BLM: variants seen among roughly 807,000 people sequenced by gnomAD.
BLM encodes recQ-like DNA helicase BLM.
Under a neutral mutation model 135.3 loss-of-function variants are expected in BLM, and 95 were observed. The observed-to-expected ratio is 0.70, with a 90% CI of 0.59 to 0.83. The LOEUF (loss-of-function observed/expected upper bound fraction) is 0.83, where lower values mean the gene tolerates loss of function less well. BLM is among the 40% of genes least tolerant of loss of function. BLM has a pLI of 0.00. For missense variants in BLM, 1,518 were observed against 1,663.9 expected, an observed-to-expected ratio of 0.91 and a Z score of 1.53; for synonymous variants, 520 against 589.2, an observed-to-expected ratio of 0.88 and a Z score of 1.70.
chr15:90,785,998 CTTT>C (rs869185558), intron 14 of BLM, among the ~76,000 whole-genome samples: 2 of 110,696 alleles, frequency 1.8e-5, no homozygotes, highest in African/African-American at 6.1e-5. Flanking sequence ...TCGTTTCTTT[CTTT>C]TTTTTTTTTT....
At chr15:90,793,327 G>T (rs1284311972) in intron 15 of BLM, among the ~76,000 whole-genome samples, 2 of 151,850 alleles carry the variant, frequency 1.3e-5, no homozygotes, top group African/African-American at 2.4e-5. Context: ...CAGAGACAGG[G>T]TTTTGCCATG....
At chr15:90,720,119 T>C (rs113333941) in intron 1 of BLM, among the ~76,000 whole-genome samples, 2 of 152,232 alleles carry the variant, frequency 1.3e-5, no homozygotes, top group African/African-American at 4.8e-5. Flanking sequence ...AAAGACTTGA[T>C]TGTCAGACTT....
intron 12 of BLM, among the ~76,000 whole-genome samples, chr15:90,779,512 T>G (rs1896566530): frequency 6.6e-6 from 1 of 152,216 alleles, no homozygotes; most frequent in East Asian, 1.9e-4. Context: ...ATCATTTGTA[T>G]TCCTAGACAA....
In BLM at chr15:90,811,382, C is replaced by A; in HGVS notation, c.4052C>A (p.Ala1351Asp). The A allele has an allele frequency of 6.2e-7, 1 of 1,614,194 alleles. No homozygotes were observed. Among genetic ancestry groups the A allele is most frequent in the Non-Finnish European group, 8.5e-7 (1 of 1,180,034 alleles). The stretch of plus-strand genomic sequence containing the variant: ...CAAAGGTCTAAGAGGAGAAAAACTG[C>A]TTCCAGTGGTTCCAAGGCAAAGGGG... Reference protein sequence around the residue: ...ASQRSKRRKTASSGSKAKGGS... With the variant: ...ASQRSKRRKTDSSGSKAKGGS... Residue 1351 changes from alanine (A) to aspartate (D), a missense_variant, in exon 21 of 22, where the codon GCT (alanine) becomes GAT (aspartate). Ala to Asp is a moderately radical substitution (Grantham distance 126). Coordinates refer to ENST00000355112, the MANE Select transcript of BLM (RefSeq NM_000057.4).
chr15:90,760,375 T>G, intron 6 of BLM, 96 bp downstream of exon 6: 1 of 1,518,346 alleles, frequency 6.6e-7, no homozygotes. Context: ...CTTTCTGGCC[T>G]GGAAATGGCA....
At chr15:90,745,803 G>A (rs1291980214) in intron 1 of BLM, among the ~76,000 whole-genome samples, 1 of 150,936 alleles carries the variant, frequency 6.6e-6, no homozygotes, top group Non-Finnish European at 1.5e-5. Context: ...AGCTGGCTAC[G>A]CATGGCTCAC....
intron 3 of BLM, 92 bp from the exon 4 acceptor site, chr15:90,751,695 G>T (rs1895687461): frequency 9.2e-7 from 1 of 1,083,834 alleles, no homozygotes; most frequent in East Asian, 2.5e-5. Context: ...TTTGTGACTT[G>T]CCAGAAGCAC....
At chr15:90,727,892 GA>G (rs34904871) in intron 1 of BLM, among the ~76,000 whole-genome samples, 38,548 of 144,436 alleles carry the variant, frequency 0.27, 5,049 homozygotes, top group East Asian at 0.45. Flanking sequence ...AGTTCCTCCA[GA>G]AAAAAAAAAA....
intron 2 of BLM, among the ~76,000 whole-genome samples, chr15:90,748,201 C>T (rs1489657793): frequency 8.0e-5 from 12 of 150,144 alleles, no homozygotes; most frequent in African/African-American, 2.7e-4. Flanking sequence ...CTCCGTCTTC[C>T]GGGTTCAAGT....
Position 90,790,635 on chromosome 15 carries a change from T to C in BLM, c.2824-14T>C, listed in dbSNP as rs1445799907. On this transcript the variant is annotated splice_polypyrimidine_tract_variant and intron_variant, in intron 14 of 21. Transcript: ENST00000355112. ...GTGCCTTATGAATCTAATAAGCTTT[T>C]GCTTTTATATCAGGTTATCTGTGCT... 6.2e-7 allele frequency: 1 copy of C among 1,612,378 alleles called. No homozygotes were observed. The highest frequency in any genetic ancestry group is 8.5e-7 in the Non-Finnish European group (1 of 1,178,332).
intron 1 of BLM, among the ~76,000 whole-genome samples, chr15:90,744,923 G>T (rs1041352693): frequency 1.8e-4 from 27 of 151,888 alleles, no homozygotes; most frequent in African/African-American, 6.3e-4. Context: ...ATGGTGGTGT[G>T]CACCTGTGGT....
intron 13 of BLM, among the ~76,000 whole-genome samples, chr15:90,783,846 G>C (rs1280791560): frequency 1.3e-5 from 2 of 152,118 alleles, no homozygotes; most frequent in South Asian, 4.1e-4. Context: ...AGTTGAGATC[G>C]TGCCACTGCA....
chr15:90,811,123 TGCA>T, intron 20 of BLM, 79 bp from the exon 21 acceptor site: 1 of 1,459,090 alleles, frequency 6.9e-7, no homozygotes, highest in Non-Finnish European at 9.6e-7. Context: ...AATGGGCCCC[TGCA>T]GCGTGTCTCT....
chr15:90,777,843 G>C (rs959896753), intron 12 of BLM, among the ~76,000 whole-genome samples: 1 of 152,188 alleles, frequency 6.6e-6, no homozygotes, highest in East Asian at 1.9e-4. Flanking sequence ...CAGCTGCTCC[G>C]CATCTTCTCC....
chr15:90,722,077 G>C (rs1009383015), intron 1 of BLM, among the ~76,000 whole-genome samples: 11 of 151,996 alleles, frequency 7.2e-5, no homozygotes, highest in Non-Finnish European at 8.8e-5. Context: ...TTAAGGGCAG[G>C]AGTTCGAGAC....
chr15:90,750,031 A>G lies in BLM; in HGVS notation c.763A>G (p.Ser255Gly), dbSNP rs1567035814. ...GCATATAAATGAAGATGCTCAGGAA[A>G]GTGACTCTCTGAAAACTCATTTGGA... ...EVHINEDAQE[S>G]DSLKTHLEDE... The change falls in exon 3 of 22, where the codon AGT (serine) becomes GGT (glycine). Residue 255 changes from serine to glycine, a missense_variant. This residue lies in a region of BLM where 724 missense variants were observed against 756.9 expected (regional missense o/e 0.96). Coordinates refer to ENST00000355112, the MANE Select transcript of BLM (RefSeq NM_000057.4). The G allele has an allele frequency of 6.2e-7, 1 of 1,614,110 alleles. No homozygotes were observed. Among genetic ancestry groups the G allele is most frequent in the Non-Finnish European group, 8.5e-7 (1 of 1,180,044 alleles).
intron 9 of BLM, among the ~76,000 whole-genome samples, chr15:90,766,180 T>A (rs1213417902): frequency 6.6e-6 from 1 of 152,170 alleles, no homozygotes; most frequent in Non-Finnish European, 1.5e-5. Flanking sequence ...ACTAGTTTGG[T>A]TTTCTTCCAA....
At chr15:90,741,567 ATC>A (rs1295531786) in intron 1 of BLM, among the ~76,000 whole-genome samples, 1 of 151,948 alleles carries the variant, frequency 6.6e-6, no homozygotes, top group East Asian at 1.9e-4. Context: ...CATATTTTCC[ATC>A]TGTTTTCTCT....
chr15:90,780,756 G>T (rs540041025), intron 12 of BLM, among the ~76,000 whole-genome samples: 1 of 152,148 alleles, frequency 6.6e-6, no homozygotes. Context: ...GTATCCTCCC[G>T]CCAGGACAGA....
Sources: allele counts gnomAD v4.1 joint callset (sites outside exome capture counted in the v4.1 genomes callset), GRCh38; gene constraint gnomAD v4.1.1; regional missense constraint gnomAD v4.1.1; transcripts MANE v1.5; gene names NCBI Gene and HGNC (gene_info 2026-07-23, HGNC 2026-07-21).